Variants in CFAP206 observed in about 807,000 individuals in gnomAD.
The protein encoded by CFAP206 is cilia and flagella associated protein 206, also known as cilia- and flagella-associated protein 206.
A neutral mutation model predicts 65.4 loss-of-function variants in CFAP206; 53 were observed. The observed-to-expected ratio is 0.81, with a 90% CI of 0.65 to 1.02. CFAP206 has a LOEUF of 1.02. CFAP206 is among the 50% of genes least tolerant of loss of function. The probability of loss-of-function intolerance (pLI) is 0.00; values close to 1 mark genes in which losing one functional copy is unlikely to be tolerated. For missense variants in CFAP206, 663 were observed against 753.2 expected, an observed-to-expected ratio of 0.88 and a Z score of 1.40; for synonymous variants, 250 against 254.4, an observed-to-expected ratio of 0.98 and a Z score of 0.17.
In CFAP206 at chr6:87,414,814, T is replaced by C. The variant is rs575907479; in HGVS notation, c.284-872T>C. 2.7e-4 allele frequency among the ~76,000 whole-genome samples: 41 copies of C among 152,214 alleles called. 1 individual carries two copies. The highest frequency in any genetic ancestry group is 3.9e-4 in the Admixed American group (6 of 15,272). ...TTCAGTTATGCTACCTATGTAAAAG[T>C]ATATATCTTGCGTTTTTGCTTAATA... On this transcript the variant is annotated intron_variant, in intron 4 of 12. Coordinates refer to ENST00000369562, the MANE Select transcript of CFAP206 (RefSeq NM_001031743.3).
At position 87,461,091 on chromosome 6, in the gene CFAP206, C is replaced by G. The variant is rs780179708; in HGVS notation, c.1564C>G (p.His522Asp). 3 of 1,593,290 alleles carry G rather than the reference C, an allele frequency of 1.9e-6. No individual in the cohort carries two copies. Among genetic ancestry groups the G allele is most frequent in the Non-Finnish European group, 2.6e-6 (3 of 1,172,736 alleles). ...KCESSTQTNT[H>D]ILPPTIVRSY... is the part of the protein sequence containing the mutation. ...TGAAAGTAGCACACAGACGAATACA[C>G]ACATACTGCCACCAACGATTGTGAG... Residue 522 changes from histidine to aspartate, a missense_variant, in exon 12 of 13, where the codon CAC becomes GAC. Physicochemically the swap from His to Asp is moderately conservative, Grantham distance 81. Coordinates refer to ENST00000369562, the MANE Select transcript of CFAP206 (RefSeq NM_001031743.3).
At chr6:87,437,533 C>T (rs1288521095) in intron 11 of CFAP206, among the ~76,000 whole-genome samples, 1 of 152,156 alleles carries the variant, frequency 6.6e-6, no homozygotes, top group African/African-American at 2.4e-5. Flanking sequence ...TCATTGAAGA[C>T]ACATCTTTAA....
At position 87,426,635 on chromosome 6, in the gene CFAP206, C is replaced by T. The variant is rs1411481754; in HGVS notation, c.950C>T (p.Ser317Leu). 1.9e-6 allele frequency: 3 copies of T among 1,581,800 alleles called. No homozygotes were observed. The highest frequency in any genetic ancestry group is 1.8e-5 in the Admixed American group (1 of 56,958). The change falls in exon 8 of 13, where the codon TCA becomes TTA. Residue 317 changes from serine (S) to leucine (L), a missense_variant. Coordinates refer to ENST00000369562, the MANE Select transcript of CFAP206 (RefSeq NM_001031743.3). Reference protein sequence around the residue: ...TIKSKIAVPTSQVFPIFIALS... With the variant: ...TIKSKIAVPTLQVFPIFIALS... ...AAATCAAAGATAGCGGTCCCAACAT[C>T]ACAAGTCTTTGTAAGTATTTGTCAT...
chr6:87,454,111 G>A (rs564683888), intron 11 of CFAP206, among the ~76,000 whole-genome samples: 6 of 152,236 alleles, frequency 3.9e-5, no homozygotes, highest in African/African-American at 1.4e-4. Context: ...AGATAAAATA[G>A]ATTTTAAGAC....
intron 8 of CFAP206, among the ~76,000 whole-genome samples, chr6:87,427,263 G>A (rs1484946926): frequency 6.6e-6 from 1 of 152,096 alleles, no homozygotes; most frequent in African/African-American, 2.4e-5. Flanking sequence ...TCAGCCTCCC[G>A]AGTAGCTGGG....
At chr6:87,440,834 T>C (rs906617955) in intron 11 of CFAP206, among the ~76,000 whole-genome samples, 2 of 152,178 alleles carry the variant, frequency 1.3e-5, no homozygotes, top group Non-Finnish European at 2.9e-5. Context: ...TGGAGAAATA[T>C]TACACTATGC....
rs951541823 is a variant in CFAP206, at chr6:87,462,276, TACTC to T, written c.1638+1116_1638+1119del. On this transcript the variant is annotated intron_variant, in intron 12 of 12. Coordinates refer to ENST00000369562, the MANE Select transcript of CFAP206 (RefSeq NM_001031743.3). The stretch of plus-strand genomic sequence containing the variant: ...CCACTGACCACATTATTTCCTTTGC[TACTC>T]ACTCTGGTGGCAGCTTTTCAGTTCC... Among the ~76,000 whole-genome samples, 6 of 152,232 alleles carry T rather than the reference TACTC, an allele frequency of 3.9e-5. No homozygotes were observed. In the South Asian group the frequency reaches 8.3e-4, roughly 21 times the overall value.
intron 5 of CFAP206, 124 bp from the exon 6 acceptor site, chr6:87,416,545 A>G (rs962990121): frequency 1.2e-5 from 9 of 780,956 alleles, no homozygotes; most frequent in Non-Finnish European, 1.8e-5. Context: ...AGGTATCAGT[A>G]ATTTAAAGAA....
chr6:87,415,701 A>G lies in CFAP206; in HGVS notation c.299A>G (p.Glu100Gly). ...GCAATTTTAGTGGAATTTCTCGAAG[A>G]ACATCACCGGGTCCTAGAGTCTAGA... ...NYTNRVEFLE[E>G]HHRVLESRLG... The change falls in exon 5 of 13, where the codon GAA becomes GGA. Residue 100 changes from glutamate to glycine, a missense_variant. By Grantham distance (98) the Glu-to-Gly change is moderately conservative. Coordinates refer to ENST00000369562, the MANE Select transcript of CFAP206 (RefSeq NM_001031743.3). 6.2e-7 allele frequency: 1 copy of G among 1,603,934 alleles called. No individual in the cohort carries two copies. The highest frequency in any genetic ancestry group is 8.5e-7 in the Non-Finnish European group (1 of 1,175,760).
In CFAP206 at chr6:87,410,578, T is replaced by G. The variant is rs761571032; in HGVS notation, c.109-7T>G. 6.2e-7 allele frequency: 1 copy of G among 1,610,994 alleles called. No homozygotes were observed. Among genetic ancestry groups the G allele is most frequent in the Non-Finnish European group, 8.5e-7 (1 of 1,177,346 alleles). Reference sequence around the variant, plus strand: ...TAGTTAATGGACTCGTTCCTACTTTTTTCTAGGTGAAAGCTGTTGTCCTGG... The same window carrying G: ...TAGTTAATGGACTCGTTCCTACTTTGTTCTAGGTGAAAGCTGTTGTCCTGG... On this transcript the variant is annotated splice_region_variant and splice_polypyrimidine_tract_variant and intron_variant, in intron 2 of 12. Transcript: ENST00000369562.
At chr6:87,458,956 A>C (rs1364518884) in intron 11 of CFAP206, among the ~76,000 whole-genome samples, 1 of 152,100 alleles carries the variant, frequency 6.6e-6, no homozygotes. Flanking sequence ...TGTACCCATA[A>C]AAATTAAAAA....
At chr6:87,424,927 A>T (rs6454623) in intron 7 of CFAP206, among the ~76,000 whole-genome samples, 52,476 of 152,044 alleles carry the variant, frequency 0.35, 9,979 homozygotes, top group African/African-American at 0.51. Flanking sequence ...GCAAAAGCAG[A>T]TTCCATAGCC....
Position 87,447,968 on chromosome 6 carries a change from T to TATTATA in CFAP206, c.1494+12916_1494+12917insTTATAA, listed in dbSNP as rs1174844310. On this transcript the variant is annotated intron_variant, in intron 11 of 12. Transcript: ENST00000369562. ...AGATTTTCTTTATTATTATTATTAT[T>TATTATA]ACTATACTTTAAGTTCTGGGATACA... 3.0e-3 allele frequency among the ~76,000 whole-genome samples: 450 copies of TATTATA among 148,930 alleles called. 1 individual carries two copies. Among genetic ancestry groups the TATTATA allele is most frequent in the African/African-American group, 0.011 (435 of 39,226 alleles).
At position 87,461,100 on chromosome 6, in the gene CFAP206, C is replaced by T. The variant is rs1053180307; in HGVS notation, c.1573C>T (p.Pro525Ser). 1.3e-6 allele frequency: 2 copies of T among 1,591,186 alleles called. No homozygotes were observed. The highest frequency in any genetic ancestry group is 4.6e-5 in the East Asian group (2 of 43,064). ...CACACAGACGAATACACACATACTG[C>T]CACCAACGATTGTGAGATCATATGA... ...SSTQTNTHIL[P>S]PTIVRSYEWN... The change falls in exon 12 of 13, where the codon CCA (proline) becomes TCA (serine). Residue 525 changes from proline (P) to serine (S), a missense_variant. Coordinates refer to ENST00000369562, the MANE Select transcript of CFAP206 (RefSeq NM_001031743.3).
At position 87,464,184 on chromosome 6, in the gene CFAP206, T is replaced by C. The variant is rs1264437313; in HGVS notation, c.1803T>C (p.Arg601=). 1.2e-6 allele frequency: 2 copies of C among 1,614,156 alleles called. No individual in the cohort carries two copies. The highest frequency in any genetic ancestry group is 2.2e-5 in the South Asian group (2 of 91,078). ...CTCAGATTTACTTGGCTGGTCTTCG[T>C]GGAGGAAAGAGCGAAATCACCGATG... is the stretch of plus-strand genomic sequence containing the variant. ...PRPQIYLAGL[R]GGKSEITDEV... The change falls in exon 13 of 13, where the codon CGT becomes CGC. Residue 601 remains arginine, a synonymous_variant. Coordinates refer to ENST00000369562, the MANE Select transcript of CFAP206 (RefSeq NM_001031743.3).
intron 7 of CFAP206, among the ~76,000 whole-genome samples, chr6:87,421,901 T>G (rs1485931068): frequency 6.6e-6 from 1 of 152,260 alleles, no homozygotes; most frequent in East Asian, 1.9e-4. Flanking sequence ...TATTATATTT[T>G]ATTTCTGTTG....
rs1468263191 is a variant in CFAP206 at position 87,415,535 on chromosome 6, G to A, written c.284-151G>A. ...ATTTTTGTCTTGAGGCTACATGCTG[G>A]CCACTGTTTTTTATTTCATTATTAC... On this transcript the variant is annotated intron_variant, in intron 4 of 12. Transcript: ENST00000369562. 5.3e-6 allele frequency: 4 copies of A among 751,354 alleles called. No homozygotes were observed. The East Asian group carries it at 1.1e-4, about 21-fold the overall frequency. 46.5% of individuals were successfully genotyped at this position (751,354 alleles called of 1,614,324 possible).
At chr6:87,423,969 C>T (rs912684929) in intron 7 of CFAP206, among the ~76,000 whole-genome samples, 1 of 152,282 alleles carries the variant, frequency 6.6e-6, no homozygotes, top group Middle Eastern at 3.4e-3. Context: ...AATTAGGCTA[C>T]ATACAGATGT....
chr6:87,418,724 T>C lies in CFAP206; in HGVS notation c.840+308T>C, dbSNP rs184780084. Among the ~76,000 whole-genome samples the C allele has an allele frequency of 6.5e-4, 99 of 152,350 alleles. 1 individual carries two copies. The highest frequency in any genetic ancestry group is 2.4e-3 in the African/African-American group (98 of 41,586). On this transcript the variant is annotated intron_variant, in intron 7 of 12. Transcript: ENST00000369562. ...TATGTTTATTTTAGTTCAGAGCAAG[T>C]ATGTAACATTGTTTGGCAGGTAGTT...
Sources: allele counts gnomAD v4.1 joint callset (sites outside exome capture counted in the v4.1 genomes callset), GRCh38; gene constraint gnomAD v4.1.1; transcripts MANE v1.5; gene names NCBI Gene and HGNC (gene_info 2026-07-23, HGNC 2026-07-21).